SBF2: variants seen among roughly 807,000 people sequenced by gnomAD.
SBF2 encodes the protein SET binding factor 2.
SBF2 carries 112 observed loss-of-function variants against 225.2 expected under a neutral mutation model. That is an observed-to-expected ratio of 0.50 (90% CI 0.43 to 0.58). The LOEUF is 0.58. Ranked by LOEUF, SBF2 falls within the 20% of genes least tolerant of loss-of-function variation. The pLI, the probability that SBF2 is intolerant of heterozygous loss-of-function variation, is 0.00. For missense variants in SBF2, 1,996 were observed against 2,206.2 expected (o/e 0.90, Z 1.91); for synonymous variants, 763 against 773.3 (o/e 0.99, Z 0.22).
chr11:9,866,081 T>C (rs572293659), intron 17 of SBF2, among the ~76,000 whole-genome samples: 124 of 152,346 alleles, frequency 8.1e-4, no homozygotes, highest in South Asian at 5.0e-3. Context: ...TTCTCATTGT[T>C]ATCTATACCA....
At chr11:9,861,230 G>C (rs540849249) in intron 17 of SBF2, among the ~76,000 whole-genome samples, 1 of 152,194 alleles carries the variant, frequency 6.6e-6, no homozygotes, top group East Asian at 1.9e-4. Context: ...TGGAGACAGG[G>C]TCTCACTCTG....
intron 17 of SBF2, among the ~76,000 whole-genome samples, chr11:9,864,380 G>T (rs1047775452): frequency 2.6e-5 from 4 of 152,118 alleles, no homozygotes; most frequent in Non-Finnish European, 5.9e-5. Context: ...TAGTTGGGAT[G>T]AATGGATTGA....
intron 20 of SBF2, 21 bp from the exon 21 acceptor site, chr11:9,852,770 C>T (rs1034928518): frequency 7.1e-6 from 11 of 1,553,456 alleles, no homozygotes; most frequent in Admixed American, 1.7e-5. Context: ...TCAGAGTATT[C>T]AAAATGAAAG....
chr11:9,855,844 T>C (rs1232906425), intron 19 of SBF2, among the ~76,000 whole-genome samples: 6 of 152,194 alleles, frequency 3.9e-5, no homozygotes, highest in Non-Finnish European at 7.4e-5. Flanking sequence ...GGTGAGAATA[T>C]TCCAGAATGA....
At chr11:10,177,660 G>A (rs1024474146) in intron 2 of SBF2, among the ~76,000 whole-genome samples, 8 of 151,840 alleles carry the variant, frequency 5.3e-5, no homozygotes, top group Non-Finnish European at 8.8e-5. Context: ...TCTCCAAGGA[G>A]AACTACAAAC....
intron 16 of SBF2, among the ~76,000 whole-genome samples, chr11:9,932,007 G>A (rs1020509370): frequency 7.5e-5 from 6 of 80,468 alleles, no homozygotes; most frequent in Non-Finnish European, 1.2e-4. Flanking sequence ...TACCCAATTC[G>A]ATCAACTGGA....
At chr11:9,983,862 T>C (rs753448934) in intron 13 of SBF2, among the ~76,000 whole-genome samples, 1 of 152,066 alleles carries the variant, frequency 6.6e-6, no homozygotes, top group African/African-American at 2.4e-5. Context: ...GGGAGTCACA[T>C]CCATAGGAAA....
At chr11:9,972,208 G>C (rs73402492) in intron 13 of SBF2, among the ~76,000 whole-genome samples, 1,809 of 152,064 alleles carry the variant, frequency 0.012, 38 homozygotes, top group African/African-American at 0.041. Context: ...TACTTCATAA[G>C]GTTCTTATGA....
chr11:10,123,534 A>G lies in SBF2; in HGVS notation c.141+70368T>C, dbSNP rs142313005. On this transcript the variant is annotated intron_variant, in intron 2 of 39. Coordinates refer to ENST00000256190, the MANE Select transcript of SBF2 (RefSeq NM_030962.4). ...TTTTAAAATTCTTTTTAAAAATACA[A>G]AAATTAAAATCACTTATCCCTACTT... Among the ~76,000 whole-genome samples the G allele has an allele frequency of 3.2e-4, 48 of 152,280 alleles. No individual in the cohort carries two copies. The East Asian group carries it at 6.4e-3, about 20-fold the overall frequency.
intron 36 of SBF2, 149 bp from the exon 37 acceptor site, chr11:9,785,467 T>C: frequency 2.9e-6 from 2 of 695,750 alleles, no homozygotes; most frequent in Non-Finnish European, 5.0e-6. Flanking sequence ...GAGTTAGTTA[T>C]CGTGGTAAAA....
At chr11:10,090,494 G>A (rs1221422814) in intron 2 of SBF2, among the ~76,000 whole-genome samples, 2 of 152,168 alleles carry the variant, frequency 1.3e-5, no homozygotes, top group African/African-American at 4.8e-5. Flanking sequence ...GCTGGGCGCA[G>A]TGGCTCATGC....
intron 16 of SBF2, among the ~76,000 whole-genome samples, chr11:9,936,126 T>G (rs1001325476): frequency 6.6e-6 from 1 of 151,954 alleles, no homozygotes; most frequent in African/African-American, 2.4e-5. Flanking sequence ...AACAACTCCA[T>G]CAAAAAGTGG....
chr11:9,965,784 C>T (rs2134376243), intron 14 of SBF2, among the ~76,000 whole-genome samples: 1 of 152,286 alleles, frequency 6.6e-6, no homozygotes, highest in African/African-American at 2.4e-5. Context: ...CAGTTTTCTT[C>T]AAATCATTTT....
At position 10,294,114 on chromosome 11, in the gene SBF2, TCGCCGCCGC is replaced by T; in HGVS notation, c.-54_-46del. ...GGGAAGCGGGTCCCCGTCGCCGCCCTCGCCGCCGCCGCCCACCCGGCCCGGGAGGGCTCA... is the reference window on the plus strand; with the variant it reads ...GGGAAGCGGGTCCCCGTCGCCGCCCTCGCCCACCCGGCCCGGGAGGGCTCA... On this transcript the variant is annotated 5_prime_UTR_variant, in exon 1 of 40. Coordinates refer to ENST00000256190, the MANE Select transcript of SBF2 (RefSeq NM_030962.4). 4 of 1,300,464 alleles carry T rather than the reference TCGCCGCCGC, an allele frequency of 3.1e-6. No individual in the cohort carries two copies. The highest frequency in any genetic ancestry group is 4.6e-5 in the South Asian group (2 of 43,794). The allele number at this position is 1,300,464 out of a possible 1,614,324, so 80.6% of individuals were successfully genotyped here.
At chr11:10,183,809 G>A (rs1361441394) in intron 2 of SBF2, among the ~76,000 whole-genome samples, 1 of 152,202 alleles carries the variant, frequency 6.6e-6, no homozygotes, top group Non-Finnish European at 1.5e-5. Context: ...GAAGCAGAGA[G>A]TAGAATTGTG....
At chr11:9,926,560 T>A (rs1319654655) in intron 16 of SBF2, among the ~76,000 whole-genome samples, 5 of 152,082 alleles carry the variant, frequency 3.3e-5, no homozygotes, top group Admixed American at 3.3e-4. Context: ...CTGAACATGA[T>A]AGAAGTTAGA....
intron 2 of SBF2, among the ~76,000 whole-genome samples, chr11:10,057,252 G>A (rs61877054): frequency 0.1 from 15,311 of 152,152 alleles, 935 homozygotes; most frequent in Non-Finnish European, 0.11. Context: ...CCAGGCCTGA[G>A]CCTCCAGCCA....
chr11:9,878,061 G>T (rs963186809), intron 17 of SBF2, among the ~76,000 whole-genome samples: 1 of 152,122 alleles, frequency 6.6e-6, no homozygotes, highest in Admixed American at 6.5e-5. Context: ...AGCATCTGTT[G>T]TTTCCTGACT....
chr11:9,881,492 T>C (rs1859757726), intron 17 of SBF2, among the ~76,000 whole-genome samples: 1 of 152,106 alleles, frequency 6.6e-6, no homozygotes, highest in South Asian at 2.1e-4. Context: ...TATAAAAATT[T>C]AGTTTATTAA....
Sources: allele counts gnomAD v4.1 joint callset (sites outside exome capture counted in the v4.1 genomes callset), GRCh38; gene constraint gnomAD v4.1.1; transcripts MANE v1.5; gene names NCBI Gene and HGNC (gene_info 2026-07-23, HGNC 2026-07-21).